Variants in MBNL2 observed in about 807,000 individuals in gnomAD.
MBNL2 encodes the protein muscleblind like splicing regulator 2.
A neutral mutation model predicts 41.9 loss-of-function variants in MBNL2; 17 were observed. That is an observed-to-expected ratio of 0.41 (90% CI 0.28 to 0.61). The LOEUF (loss-of-function observed/expected upper bound fraction) is 0.61, where lower values mean the gene tolerates loss of function less well. MBNL2 is among the 20% of genes least tolerant of loss of function. The pLI is 0.35. For missense variants in MBNL2, 336 were observed against 505.6 expected (o/e 0.66, Z 3.22); for synonymous variants, 195 against 182.9 (o/e 1.07, Z -0.53).
chr13:97,306,673 A>G (rs964017016), intron 2 of MBNL2, among the ~76,000 whole-genome samples: 7 of 152,244 alleles, frequency 4.6e-5, no homozygotes, highest in African/African-American at 1.7e-4. Context: ...CAAGGAACAA[A>G]GAAGCAAATA....
chr13:97,316,555 C>T (rs2059072762), intron 2 of MBNL2, among the ~76,000 whole-genome samples: 1 of 152,224 alleles, frequency 6.6e-6, no homozygotes, highest in Non-Finnish European at 1.5e-5. Context: ...TCCAGATTCT[C>T]CAGCCTCTTG....
chr13:97,231,760 TC>T (rs1297601357), intron 1 of MBNL2, among the ~76,000 whole-genome samples: 2 of 151,986 alleles, frequency 1.3e-5, no homozygotes, highest in Non-Finnish European at 2.9e-5. Context: ...GGTTACTGCC[TC>T]CAGGGAAGGC....
chr13:97,346,740 G>A lies in MBNL2; in HGVS notation c.541-64G>A, dbSNP rs1367409208. On this transcript the variant is annotated intron_variant, in intron 4 of 8. Transcript: ENST00000679496. This position sits in a 1 kb window ranked among gnomAD's most constrained non-coding sequence, Gnocchi z 4.2. ...AGCCTCCGCTCCTCCCGCGGTGGCC[G>A]GGGCCGCAGGGGCGCCTGGGCTCAG... 8.9e-6 allele frequency: 13 copies of A among 1,457,410 alleles called. No homozygotes were observed. Among genetic ancestry groups the A allele is most frequent in the Admixed American group, 3.8e-5 (2 of 51,960 alleles). 90.3% of individuals were successfully genotyped at this position (1,457,410 alleles called of 1,614,324 possible).
At chr13:97,297,051 C>T (rs2057112303) in intron 2 of MBNL2, among the ~76,000 whole-genome samples, 1 of 152,188 alleles carries the variant, frequency 6.6e-6, no homozygotes, top group Admixed American at 6.5e-5. Flanking sequence ...CATGTGGTAC[C>T]ATTGAAAGAG....
At chr13:97,187,847 T>G in the MBNL2 span, among the ~76,000 whole-genome samples, 1 of 149,394 alleles carries the variant, frequency 6.7e-6, no homozygotes, top group African/African-American at 2.5e-5. Flanking sequence ...CGGCGGAGCC[T>G]GCAGTGAGCT....
At chr13:97,262,411 C>T (rs1017690822) in intron 1 of MBNL2, among the ~76,000 whole-genome samples, 1 of 152,150 alleles carries the variant, frequency 6.6e-6, no homozygotes, top group Non-Finnish European at 1.5e-5. Context: ...AACTCTGAAC[C>T]TTTCTCCCTC....
chr13:97,313,908 T>C (rs763324185), intron 2 of MBNL2, among the ~76,000 whole-genome samples: 3 of 152,244 alleles, frequency 2.0e-5, no homozygotes, highest in Admixed American at 6.5e-5. Flanking sequence ...TATTTAGCAA[T>C]TGGGAGTTTG....
intron 2 of MBNL2, among the ~76,000 whole-genome samples, chr13:97,330,389 C>T (rs1303793987): frequency 2.0e-5 from 3 of 152,294 alleles, no homozygotes; most frequent in South Asian, 4.1e-4. Context: ...ATCTCCGTCT[C>T]CACCCCACAG....
At position 97,262,382 on chromosome 13, in the gene MBNL2, C is replaced by T. The variant is rs115685792; in HGVS notation, c.-604-13250C>T. Among the ~76,000 whole-genome samples the T allele has an allele frequency of 3.6e-3, 553 of 152,306 alleles. 3 individuals carry two copies. Among genetic ancestry groups the T allele is most frequent in the African/African-American group, 0.013 (524 of 41,560 alleles). ...CGTGGCAGTGGCAGTGGACGCTTTTCGCTACTCCCTCCTCTTGAAACTCTG... is the reference window on the plus strand; with the variant it reads ...CGTGGCAGTGGCAGTGGACGCTTTTTGCTACTCCCTCCTCTTGAAACTCTG... On this transcript the variant is annotated intron_variant, in intron 1 of 8. Transcript: ENST00000679496.
chr13:97,303,357 G>A (rs746149789), intron 2 of MBNL2, among the ~76,000 whole-genome samples: 9 of 152,182 alleles, frequency 5.9e-5, no homozygotes, highest in Non-Finnish European at 1.2e-4. Flanking sequence ...GGCAATGGGT[G>A]GGGGTGCCCA....
chr13:97,347,527 T>G (rs1260070278), intron 5 of MBNL2, among the ~76,000 whole-genome samples: 1 of 152,208 alleles, frequency 6.6e-6, no homozygotes, highest in Non-Finnish European at 1.5e-5. Context: ...GTGATTTGGC[T>G]TTTCGCTACT....
chr13:97,141,984 C>T, the MBNL2 span, among the ~76,000 whole-genome samples: 1 of 152,068 alleles, frequency 6.6e-6, no homozygotes, highest in African/African-American at 2.4e-5. Context: ...AAGTAAGGCA[C>T]TGCTAGTATT....
At chr13:97,335,739 T>C (rs2060827871) in intron 3 of MBNL2, among the ~76,000 whole-genome samples, 1 of 152,154 alleles carries the variant, frequency 6.6e-6, no homozygotes, top group Non-Finnish European at 1.5e-5. Flanking sequence ...CAAATAAGCC[T>C]CTTGTAAAGG....
the MBNL2 span, among the ~76,000 whole-genome samples, chr13:97,188,788 A>G: frequency 5.9e-5 from 9 of 152,036 alleles, no homozygotes; most frequent in Admixed American, 1.3e-4. Flanking sequence ...CCTGATTCCT[A>G]TCAATCTGTC....
chr13:97,339,657 A>C (rs1202358362), intron 3 of MBNL2, among the ~76,000 whole-genome samples: 1 of 151,966 alleles, frequency 6.6e-6, no homozygotes, highest in Non-Finnish European at 1.5e-5. Context: ...AACCAAACTC[A>C]GACACCGGGA....
chr13:97,259,858 G>C (rs1272649010), intron 1 of MBNL2, among the ~76,000 whole-genome samples: 1 of 152,174 alleles, frequency 6.6e-6, no homozygotes, highest in Non-Finnish European at 1.5e-5. Context: ...GGCGGGCACA[G>C]ACTGTAAGCT....
At chr13:97,284,291 G>T (rs77938585) in intron 2 of MBNL2, among the ~76,000 whole-genome samples, 1 of 152,084 alleles carries the variant, frequency 6.6e-6, no homozygotes, top group African/African-American at 2.4e-5. Flanking sequence ...GGTTGGGGAA[G>T]TTGGGGGAGA....
rs373839287 is a variant in MBNL2 at position 97,271,606 on chromosome 13, C to T, written c.-604-4026C>T. Among the ~76,000 whole-genome samples, 21 of 152,170 alleles carry T rather than the reference C, an allele frequency of 1.4e-4. No individual in the cohort carries two copies. In the South Asian group the frequency reaches 1.9e-3, roughly 14 times the overall value. ...ACCCCGTAAACCCCCAGCAGGCTCT[C>T]GTATGTGATGTTCCCCTCTCTGTGT... On this transcript the variant is annotated intron_variant, in intron 1 of 8. Coordinates refer to ENST00000679496, the MANE Select transcript of MBNL2 (RefSeq NM_001382683.1).
chr13:97,183,438 C>G, the MBNL2 span, among the ~76,000 whole-genome samples: 1 of 152,192 alleles, frequency 6.6e-6, no homozygotes, highest in Non-Finnish European at 1.5e-5. Flanking sequence ...GCCTGAAATA[C>G]AGGTTTGGCA....
Sources: gnomAD v4.1 joint callset for allele counts (sites outside exome capture counted in the v4.1 genomes callset) on GRCh38, gnomAD v4.1.1 for gene constraint, Gnocchi (gnomAD v3.1) non-coding constraint, MANE v1.5 for transcripts, NCBI Gene and HGNC (gene_info 2026-07-23, HGNC 2026-07-21) for gene names.